Variants in ANKS1B observed in about 807,000 individuals in gnomAD.
ANKS1B encodes the protein ankyrin repeat and sterile alpha motif domain-containing protein 1B.
In ANKS1B, 36 loss-of-function variants were observed where a neutral mutation model predicts 148.3. The ratio of observed to expected loss-of-function variants is 0.24; its 90% CI spans 0.19 to 0.32. ANKS1B has a LOEUF of 0.32. Ranked by LOEUF, ANKS1B falls within the 10% of genes least tolerant of loss-of-function variation. The probability of loss-of-function intolerance (pLI) is 1.00; values close to 1 mark genes in which losing one functional copy is unlikely to be tolerated. For synonymous variants in ANKS1B, 542 were observed against 560.8 expected (o/e 0.97, Z 0.47); for missense variants, 1,157 against 1,542.6 (o/e 0.75, Z 4.19).
At chr12:99,363,958 T>G (rs935414286) in intron 12 of ANKS1B, among the ~76,000 whole-genome samples, 1 of 152,100 alleles carries the variant, frequency 6.6e-6, no homozygotes, top group African/African-American at 2.4e-5. Context: ...AAACTAGGCA[T>G]GTTTCCAAAT....
chr12:99,613,019 T>C (rs1243668032), intron 9 of ANKS1B, among the ~76,000 whole-genome samples: 2 of 152,128 alleles, frequency 1.3e-5, no homozygotes, highest in Non-Finnish European at 2.9e-5. Context: ...CTATGCTTAA[T>C]TCAAATATCT....
chr12:99,389,842 T>G (rs1451551066), intron 12 of ANKS1B, among the ~76,000 whole-genome samples: 1 of 152,212 alleles, frequency 6.6e-6, no homozygotes, highest in African/African-American at 2.4e-5. Context: ...TACTGCGCCC[T>G]TGCCTCTGCT....
At chr12:99,770,614 C>G (rs1408475572) in intron 8 of ANKS1B, among the ~76,000 whole-genome samples, 1 of 152,104 alleles carries the variant, frequency 6.6e-6, no homozygotes, top group Non-Finnish European at 1.5e-5. Context: ...GATTCATCTT[C>G]TGAAAGGTCA....
At position 99,687,032 on chromosome 12, in the gene ANKS1B, A is replaced by G. The variant is rs560714677; in HGVS notation, c.1129-31822T>C. Among the ~76,000 whole-genome samples the G allele has an allele frequency of 2.0e-5, 3 of 152,304 alleles. No individual in the cohort carries two copies. In the South Asian group the frequency reaches 6.2e-4, roughly 32 times the overall value. On this transcript the variant is annotated intron_variant, in intron 8 of 26. Transcript: ENST00000683438. ...CTTTCTATGAGAAAGATGTGTTTAC[A>G]GTGAATTCTGTCTGTGTTTGTCTGA...
chr12:99,529,516 G>A (rs760706065), intron 9 of ANKS1B, among the ~76,000 whole-genome samples: 1 of 152,116 alleles, frequency 6.6e-6, no homozygotes, highest in Non-Finnish European at 1.5e-5. Context: ...AGCAGGGCAT[G>A]GTGGCGTGTG....
In ANKS1B at chr12:98,744,324, C is replaced by G; in HGVS notation, c.*1415G>C. On this transcript the variant is annotated 3_prime_UTR_variant, in exon 27 of 27. Transcript: ENST00000683438. ...GTAGTTATTCTTCAAAACTCACCAA[C>G]TGATGAATGTAACTGATCATCTCAG... 1.1e-6 allele frequency: 1 copy of G among 921,876 alleles called. No individual in the cohort carries two copies. Among genetic ancestry groups the G allele is most frequent in the Non-Finnish European group, 1.3e-6 (1 of 771,752 alleles). The allele number at this position is 921,876 out of a possible 1,614,324, so 57.1% of individuals were successfully genotyped here. A position where few individuals can be genotyped will look rare whatever the true frequency, so the allele number is the denominator to read the frequency against.
intron 14 of ANKS1B, among the ~76,000 whole-genome samples, chr12:99,224,395 G>A (rs1441058014): frequency 6.6e-6 from 1 of 152,106 alleles, no homozygotes; most frequent in Non-Finnish European, 1.5e-5. Flanking sequence ...CTGGATCATG[G>A]GGGGTGGTCC....
At chr12:98,821,263 G>A (rs941297110) in intron 19 of ANKS1B, among the ~76,000 whole-genome samples, 1 of 152,220 alleles carries the variant, frequency 6.6e-6, no homozygotes, top group Admixed American at 6.5e-5. Context: ...ATACTCATCT[G>A]ATATAGCAAT....
chr12:99,454,403 G>A (rs1335085687), intron 10 of ANKS1B, among the ~76,000 whole-genome samples: 3 of 152,200 alleles, frequency 2.0e-5, no homozygotes, highest in African/African-American at 7.2e-5. Flanking sequence ...AGAGTAGAAT[G>A]ATTGACTAGC....
intron 1 of ANKS1B, among the ~76,000 whole-genome samples, chr12:99,958,192 C>T (rs1245516150): frequency 6.6e-6 from 1 of 152,062 alleles, no homozygotes; most frequent in East Asian, 1.9e-4. Flanking sequence ...GGGCAGGCAA[C>T]AGTGGAAAGT....
chr12:99,246,039 C>T (rs1183973069), intron 13 of ANKS1B, among the ~76,000 whole-genome samples: 1 of 152,088 alleles, frequency 6.6e-6, no homozygotes, highest in Non-Finnish European at 1.5e-5. Flanking sequence ...ATTACTTCTG[C>T]TTGATATCAA....
At chr12:99,170,314 G>A (rs1052624583) in intron 14 of ANKS1B, among the ~76,000 whole-genome samples, 1 of 151,788 alleles carries the variant, frequency 6.6e-6, no homozygotes, top group Non-Finnish European at 1.5e-5. Context: ...CCAGACTCTC[G>A]AGCCAGACTG....
intron 12 of ANKS1B, among the ~76,000 whole-genome samples, chr12:99,259,754 G>A (rs1036242669): frequency 2.0e-5 from 3 of 151,170 alleles, no homozygotes; most frequent in South Asian, 4.2e-4. Flanking sequence ...GGAAGCCAGC[G>A]ACATTCACCC....
In ANKS1B at chr12:99,812,241, T is replaced by C; in HGVS notation, c.286A>G (p.Ile96Val). ...TCTCCTTTCCAGGCAGCCAGGTGAA[T>C]AGGAAAATACCCTTTGTTGTCTGCT... ...NVADNKGYFP[I>V]HLAAWKGDVE... The change falls in exon 3 of 27, where the codon ATT (isoleucine) becomes GTT (valine). Residue 96 changes from isoleucine to valine, a missense_variant. Physicochemically the swap from Ile to Val is conservative, Grantham distance 29. Around this residue, in one of 6 missense-constraint regions of ANKS1B, gnomAD observed 164 missense variants for 232.6 expected, o/e 0.71. Transcript: ENST00000683438. The C allele has an allele frequency of 6.2e-7, 1 of 1,611,964 alleles. No homozygotes were observed. Among genetic ancestry groups the C allele is most frequent in the Non-Finnish European group, 8.5e-7 (1 of 1,178,636 alleles).
intron 14 of ANKS1B, among the ~76,000 whole-genome samples, chr12:99,195,852 G>A (rs897458620): frequency 5.3e-5 from 8 of 151,796 alleles, no homozygotes; most frequent in African/African-American, 1.7e-4. Context: ...TAGAATTATC[G>A]AGCATTTATT....
chr12:99,559,683 T>C (rs1202179438), intron 9 of ANKS1B, among the ~76,000 whole-genome samples: 1 of 152,082 alleles, frequency 6.6e-6, no homozygotes, highest in Non-Finnish European at 1.5e-5. Flanking sequence ...AAGAAACAGG[T>C]TCAGCAAAAT....
At position 98,879,670 on chromosome 12, in the gene ANKS1B, C is replaced by A. The variant is rs184597626; in HGVS notation, c.2779-47534G>T. Among the ~76,000 whole-genome samples the A allele has an allele frequency of 2.6e-5, 4 of 152,002 alleles. No homozygotes were observed. In the East Asian group the frequency reaches 7.7e-4, roughly 29 times the overall value. On this transcript the variant is annotated intron_variant, in intron 17 of 26. Transcript: ENST00000683438. Reference sequence around the variant, plus strand: ...ATTTGAGAAACCTTCGTTGAAAATTCTTTGACAGTGTCTGCAAGTCTTCTG... The same window carrying A: ...ATTTGAGAAACCTTCGTTGAAAATTATTTGACAGTGTCTGCAAGTCTTCTG...
chr12:99,759,446 T>C (rs10778021), intron 8 of ANKS1B, among the ~76,000 whole-genome samples: 67,851 of 151,736 alleles, frequency 0.45, 15,561 homozygotes, highest in South Asian at 0.61. Flanking sequence ...TAAAATATGT[T>C]GAAGCATGAG....
intron 20 of ANKS1B, among the ~76,000 whole-genome samples, chr12:98,803,252 G>C: frequency 6.6e-6 from 1 of 152,108 alleles, no homozygotes; most frequent in East Asian, 1.9e-4. Context: ...TTTTGAAGCT[G>C]AGTGTAATAA....
Sources: gnomAD v4.1 joint callset for allele counts (sites outside exome capture counted in the v4.1 genomes callset) on GRCh38, gnomAD v4.1.1 for gene constraint, gnomAD v4.1.1 regional missense constraint, MANE v1.5 for transcripts, NCBI Gene and HGNC (gene_info 2026-07-23, HGNC 2026-07-21) for gene names.